Variants in DTNB observed in about 807,000 individuals in gnomAD.
The protein encoded by DTNB is dystrobrevin beta.
A neutral mutation model predicts 90.7 loss-of-function variants in DTNB; 63 were observed. That is an observed-to-expected ratio of 0.69 (90% CI 0.57 to 0.86). The LOEUF is 0.86. DTNB is among the 40% of genes least tolerant of loss of function. DTNB has a pLI of 0.00. For synonymous variants in DTNB, 277 were observed against 286.7 expected, an observed-to-expected ratio of 0.97 and a Z score of 0.34; for missense variants, 744 against 807.1, an observed-to-expected ratio of 0.92 and a Z score of 0.95.
At chr2:25,466,228 TG>T (rs964524780) in intron 10 of DTNB, among the ~76,000 whole-genome samples, 1 of 152,090 alleles carries the variant, frequency 6.6e-6, no homozygotes, top group African/African-American at 2.4e-5. Flanking sequence ...CCCAGCTACT[TG>T]GGAAGCTGAG....
intron 8 of DTNB, among the ~76,000 whole-genome samples, chr2:25,532,879 T>C (rs1217819889): frequency 1.3e-5 from 2 of 152,208 alleles, no homozygotes; most frequent in Non-Finnish European, 2.9e-5. Context: ...TTGTAGTATT[T>C]TAACACAAAG....
chr2:25,526,395 A>ACATATATATATATATATATATTTTT, intron 9 of DTNB, among the ~76,000 whole-genome samples: 1 of 49,828 alleles, frequency 2.0e-5, no homozygotes, highest in African/African-American at 9.8e-5. Flanking sequence ...ATATATATAT[A>ACATATATATATATATATATATTTTT]TTTTTTTTTT....
intron 18 of DTNB, among the ~76,000 whole-genome samples, chr2:25,385,755 T>C (rs2039296883): frequency 6.6e-6 from 1 of 152,248 alleles, no homozygotes; most frequent in South Asian, 2.1e-4. Context: ...CATCCTTTCT[T>C]ACTATGAGAC....
At chr2:25,536,257 C>A (rs2079722984) in intron 8 of DTNB, among the ~76,000 whole-genome samples, 1 of 150,938 alleles carries the variant, frequency 6.6e-6, no homozygotes, top group African/African-American at 2.4e-5. Context: ...ACATCCCAGA[C>A]AATGGGCGGC....
At chr2:25,627,926 C>T (rs566248737) in intron 4 of DTNB, among the ~76,000 whole-genome samples, 41 of 151,982 alleles carry the variant, frequency 2.7e-4, no homozygotes, top group South Asian at 6.3e-4. Context: ...TTAGTAGAGA[C>T]GGGGTTTCAC....
At chr2:25,428,041 A>T (rs888177740) in intron 14 of DTNB, 2 of 154,914 alleles carry the variant, frequency 1.3e-5, no homozygotes, top group Admixed American at 1.3e-4. Flanking sequence ...CAGATTCAAG[A>T]AGGATGACAG....
At chr2:25,482,150 G>A (rs2065100527) in intron 10 of DTNB, among the ~76,000 whole-genome samples, 1 of 152,140 alleles carries the variant, frequency 6.6e-6, no homozygotes, top group Admixed American at 6.5e-5. Context: ...TCTGGGTCAT[G>A]GAACAGCTTA....
intron 10 of DTNB, 116 bp from the exon 11 acceptor site, chr2:25,455,610 G>T: frequency 1.2e-6 from 1 of 860,192 alleles, no homozygotes; most frequent in Non-Finnish European, 1.8e-6. Flanking sequence ...AATAAATCAT[G>T]ATAAGGAAAA....
At chr2:25,491,158 G>GACACACAC (rs59803099) in intron 9 of DTNB, among the ~76,000 whole-genome samples, 205 of 150,522 alleles carry the variant, frequency 1.4e-3, no homozygotes, top group African/African-American at 4.0e-3. Context: ...CACACACACA[G>GACACACAC]ACACACACAC....
intron 2 of DTNB, among the ~76,000 whole-genome samples, chr2:25,643,381 G>C (rs933741547): frequency 6.6e-6 from 1 of 152,178 alleles, no homozygotes; most frequent in Non-Finnish European, 1.5e-5. Context: ...TGAAGGCAAA[G>C]ACCATTTGTT....
intron 9 of DTNB, among the ~76,000 whole-genome samples, chr2:25,500,096 C>T (rs1170858247): frequency 6.6e-6 from 1 of 152,048 alleles, no homozygotes; most frequent in Non-Finnish European, 1.5e-5. Flanking sequence ...GACATGGGAT[C>T]TCACTCTGTG....
chr2:25,417,753 C>T (rs758007599), intron 16 of DTNB, among the ~76,000 whole-genome samples: 1 of 152,152 alleles, frequency 6.6e-6, no homozygotes, highest in Non-Finnish European at 1.5e-5. Context: ...CACCCTGGAT[C>T]ATCAGGAAGG....
At chr2:25,388,483 T>C in intron 16 of DTNB, 122 bp from the exon 17 acceptor site, 5 of 1,329,400 alleles carry the variant, frequency 3.8e-6, no homozygotes, top group Admixed American at 2.9e-5. Flanking sequence ...TGGTACAAGA[T>C]CATACTTGAA....
intron 8 of DTNB, among the ~76,000 whole-genome samples, chr2:25,533,891 T>C (rs2078773685): frequency 1.3e-5 from 2 of 152,256 alleles, no homozygotes; most frequent in Admixed American, 6.5e-5. Context: ...GTTTCCACTG[T>C]TGCACTCACC....
intron 8 of DTNB, among the ~76,000 whole-genome samples, chr2:25,572,122 T>C (rs2059961032): frequency 6.6e-6 from 1 of 152,158 alleles, no homozygotes. Context: ...GTCTTCTTCA[T>C]AAGGATCATA....
At chr2:25,449,710 G>C (rs966878835) in intron 12 of DTNB, among the ~76,000 whole-genome samples, 1 of 151,368 alleles carries the variant, frequency 6.6e-6, no homozygotes, top group African/African-American at 2.4e-5. Context: ...TCTGTCCTTT[G>C]TCAGACATGT....
intron 11 of DTNB, among the ~76,000 whole-genome samples, chr2:25,452,215 A>C (rs138792721): frequency 1.9e-4 from 29 of 152,268 alleles, no homozygotes; most frequent in Middle Eastern, 3.4e-3. Flanking sequence ...AGTTTAATGC[A>C]TTACTTTTCA....
chr2:25,652,548 A>AAG lies in DTNB; in HGVS notation c.67+45_67+46insCT, dbSNP rs33949722. 6.5e-6 allele frequency: 10 copies of AAG among 1,548,542 alleles called. No homozygotes were observed. The Admixed American group carries it at 1.9e-4, about 30-fold the overall frequency. On this transcript the variant is annotated intron_variant, in intron 2 of 20. Coordinates refer to ENST00000406818, the MANE Select transcript of DTNB (RefSeq NM_021907.5). Reference sequence around the variant, plus strand: ...GACTTGATCTAAAAAAAAAAAAAAAACCACACAAACATTCCCGCACATATG... The same window carrying AAG: ...GACTTGATCTAAAAAAAAAAAAAAAAAGCCACACAAACATTCCCGCACATATG...
At chr2:25,656,529 AT>A (rs914331413) in intron 1 of DTNB, among the ~76,000 whole-genome samples, 1 of 152,200 alleles carries the variant, frequency 6.6e-6, no homozygotes, top group African/African-American at 2.4e-5. Context: ...AACCAATATC[AT>A]TACCTTCACA....
Sources: gnomAD v4.1 joint callset for allele counts (sites outside exome capture counted in the v4.1 genomes callset) on GRCh38, gnomAD v4.1.1 for gene constraint, MANE v1.5 for transcripts, NCBI Gene and HGNC (gene_info 2026-07-23, HGNC 2026-07-21) for gene names.